LDLRAD4: variants seen among roughly 807,000 people sequenced by gnomAD.
LDLRAD4 encodes low-density lipoprotein receptor class A domain-containing protein 4.
A neutral mutation model predicts 17.0 loss-of-function variants in LDLRAD4; 5 were observed. The observed-to-expected ratio is 0.29, with a 90% confidence interval of 0.15 to 0.62. The LOEUF (loss-of-function observed/expected upper bound fraction) is 0.62. LDLRAD4 is among the 20% of genes least tolerant of loss of function. LDLRAD4 has a pLI of 0.84. For synonymous variants in LDLRAD4, 168 were observed against 171.8 expected (o/e 0.98, Z 0.17); for missense variants, 340 against 424.7 (o/e 0.80, Z 1.75).
intron 1 of LDLRAD4, among the ~76,000 whole-genome samples, chr18:13,314,041 G>A (rs11665323): frequency 0.067 from 10,194 of 152,210 alleles, 380 homozygotes; most frequent in South Asian, 0.1. Context: ...CTGATACTGC[G>A]TGAAGAGATT....
chr18:13,566,625 C>T (rs113780182), intron 3 of LDLRAD4, among the ~76,000 whole-genome samples: 27,883 of 151,958 alleles, frequency 0.18, 2,768 homozygotes, highest in Non-Finnish European at 0.22. Flanking sequence ...CCTCCCAAAG[C>T]GGTGGGATTA....
intron 3 of LDLRAD4, among the ~76,000 whole-genome samples, chr18:13,546,730 C>A (rs1359340450): frequency 6.6e-6 from 1 of 152,138 alleles, no homozygotes; most frequent in South Asian, 2.1e-4. Context: ...CTGTCGGGCA[C>A]GTGGTTCCCC....
intron 1 of LDLRAD4, among the ~76,000 whole-genome samples, chr18:13,253,992 G>A (rs1364890192): frequency 2.0e-5 from 3 of 152,230 alleles, no homozygotes; most frequent in Non-Finnish European, 2.9e-5. Flanking sequence ...GCTGCGATAC[G>A]GGGCATCCCA....
In LDLRAD4 at chr18:13,549,862, A is replaced by G. The variant is rs558307571; in HGVS notation, c.182-71255A>G. 2.0e-5 allele frequency among the ~76,000 whole-genome samples: 3 copies of G among 152,320 alleles called. No individual in the cohort carries two copies. In the East Asian group the frequency reaches 5.8e-4, roughly 29 times the overall value. On this transcript the variant is annotated intron_variant, in intron 3 of 5. Transcript: ENST00000359446. Reference sequence around the variant, plus strand: ...GTCAAGAAGGCAATTTTGCCATCAAACAGAACTAGGTTCAAATTCAGGCAC... The same window carrying G: ...GTCAAGAAGGCAATTTTGCCATCAAGCAGAACTAGGTTCAAATTCAGGCAC...
At chr18:13,401,257 A>C (rs1279244425) in intron 2 of LDLRAD4, among the ~76,000 whole-genome samples, 1 of 151,840 alleles carries the variant, frequency 6.6e-6, no homozygotes, top group Non-Finnish European at 1.5e-5. Flanking sequence ...AGTCACTGTA[A>C]TTTCATTCAT....
chr18:13,368,554 A>G (rs994022205), intron 1 of LDLRAD4, among the ~76,000 whole-genome samples: 29 of 152,214 alleles, frequency 1.9e-4, no homozygotes, highest in Middle Eastern at 3.4e-3. Context: ...TTATCCATCC[A>G]TTACTCTACC....
At chr18:13,218,878 C>A (rs2041287151) in exon 1 of LDLRAD4, 1 of 152,550 alleles carries the variant, frequency 6.6e-6, no homozygotes, top group African/African-American at 2.4e-5. Flanking sequence ...AAGCACCCAG[C>A]CCGGCCCGGC....
intron 3 of LDLRAD4, among the ~76,000 whole-genome samples, chr18:13,576,914 A>T (rs1353417789): frequency 6.6e-6 from 1 of 152,248 alleles, no homozygotes; most frequent in African/African-American, 2.4e-5. Context: ...CTGGCTTTGA[A>T]AGAAGTTACA....
chr18:13,306,642 G>A (rs2046934144), intron 1 of LDLRAD4, among the ~76,000 whole-genome samples: 1 of 152,210 alleles, frequency 6.6e-6, no homozygotes, highest in Non-Finnish European at 1.5e-5. Context: ...AAATCTGAAA[G>A]GATTTCACCA....
At chr18:13,582,371 C>T (rs914949255) in intron 3 of LDLRAD4, among the ~76,000 whole-genome samples, 1 of 152,236 alleles carries the variant, frequency 6.6e-6, no homozygotes, top group Admixed American at 6.5e-5. Context: ...ATGGTAGCTG[C>T]GCCATCAATC....
At chr18:13,399,207 GA>G (rs541171135) in intron 2 of LDLRAD4, among the ~76,000 whole-genome samples, 3 of 150,564 alleles carry the variant, frequency 2.0e-5, no homozygotes, top group East Asian at 2.0e-4. Flanking sequence ...AAAAAAAAGA[GA>G]AAAAAAAGAA....
chr18:13,539,438 C>T (rs1238018848), intron 3 of LDLRAD4, among the ~76,000 whole-genome samples: 2 of 152,210 alleles, frequency 1.3e-5, no homozygotes, highest in African/African-American at 4.8e-5. Context: ...TAGTATTTCT[C>T]TTTTGCCAAT....
intron 3 of LDLRAD4, among the ~76,000 whole-genome samples, chr18:13,619,702 G>A (rs2040433533): frequency 6.6e-6 from 1 of 152,160 alleles, no homozygotes; most frequent in African/African-American, 2.4e-5. Context: ...GGGGCCGGCA[G>A]GCCTCACTGA....
chr18:13,227,608 TA>T (rs1288167382), intron 1 of LDLRAD4, among the ~76,000 whole-genome samples: 1 of 152,204 alleles, frequency 6.6e-6, no homozygotes, highest in Non-Finnish European at 1.5e-5. Flanking sequence ...CTGGGTAATT[TA>T]TAAAGGAAAG....
At chr18:13,352,978 A>G (rs1261680496) in intron 1 of LDLRAD4, among the ~76,000 whole-genome samples, 3 of 151,846 alleles carry the variant, frequency 2.0e-5, no homozygotes, top group African/African-American at 7.3e-5. Context: ...CTTTGCTATT[A>G]TTCTCATTTT....
rs997210113 is a variant in LDLRAD4, at chr18:13,404,579, C to T, written c.40+16817C>T. Reference sequence around the variant, plus strand: ...TTGGGAGGCCGAGACGGGCGGATCACGAGGTCAGGAGATCGAGACCATCCT... The same window carrying T: ...TTGGGAGGCCGAGACGGGCGGATCATGAGGTCAGGAGATCGAGACCATCCT... On this transcript the variant is annotated intron_variant, in intron 2 of 5. Transcript: ENST00000359446. Among the ~76,000 whole-genome samples, 6 of 152,176 alleles carry T rather than the reference C, an allele frequency of 3.9e-5. No individual in the cohort carries two copies. In the East Asian group the frequency reaches 1.2e-3, roughly 29 times the overall value.
chr18:13,367,111 G>T lies in LDLRAD4; in HGVS notation c.-382-20230G>T, dbSNP rs529471601. 2.0e-5 allele frequency among the ~76,000 whole-genome samples: 3 copies of T among 152,320 alleles called. No homozygotes were observed. In the South Asian group the frequency reaches 6.2e-4, roughly 32 times the overall value. ...ATTTGCCCACAGCGAGATGCAAACT[G>T]GGTGTCACACAGAACAGTCCTGTTG... is the stretch of plus-strand genomic sequence containing the variant. On this transcript the variant is annotated intron_variant, in intron 1 of 5. Coordinates refer to ENST00000359446, the Ensembl canonical transcript of LDLRAD4. This position sits in a 1 kb window ranked among gnomAD's most constrained non-coding sequence, Gnocchi z 4.1.
chr18:13,293,070 G>T (rs1425218103), intron 1 of LDLRAD4, among the ~76,000 whole-genome samples: 1 of 152,228 alleles, frequency 6.6e-6, no homozygotes, highest in Non-Finnish European at 1.5e-5. Context: ...TTAAAAGGTG[G>T]ATGCATGCTG....
At chr18:13,403,934 T>A (rs4797768) in intron 2 of LDLRAD4, among the ~76,000 whole-genome samples, 1 of 152,158 alleles carries the variant, frequency 6.6e-6, no homozygotes, top group East Asian at 1.9e-4. Flanking sequence ...GGATGCGCCC[T>A]GTCCCGGGGA....
Sources: gnomAD v4.1 joint callset for allele counts (sites outside exome capture counted in the v4.1 genomes callset) on GRCh38, gnomAD v4.1.1 for gene constraint, Gnocchi (gnomAD v3.1) non-coding constraint, MANE v1.5 for transcripts, NCBI Gene and HGNC (gene_info 2026-07-23, HGNC 2026-07-21) for gene names.